Variants in STRN observed in about 807,000 individuals in gnomAD.
The protein encoded by STRN is striatin.
In STRN, 53 loss-of-function variants were observed where a neutral mutation model predicts 96.3. The observed-to-expected ratio is 0.55, with a 90% confidence interval of 0.44 to 0.69. The LOEUF (loss-of-function observed/expected upper bound fraction) is 0.69. STRN is among the 30% of genes least tolerant of loss of function. STRN has a pLI of 0.00. For synonymous variants in STRN, 428 were observed against 355.9 expected (o/e 1.20, Z -2.28); for missense variants, 987 against 963.9 (o/e 1.02, Z -0.32).
At chr2:36,871,816 T>G (rs1477521323) in intron 10 of STRN, among the ~76,000 whole-genome samples, 2 of 152,168 alleles carry the variant, frequency 1.3e-5, no homozygotes, top group Non-Finnish European at 2.9e-5. Context: ...TGCTAGTAAG[T>G]GGAGGGGCCT....
At position 36,966,417 on chromosome 2, in the gene STRN, G is replaced by A. The variant is rs1168570125; in HGVS notation, c.47C>T (p.Pro16Leu). 9 of 1,462,962 alleles carry A rather than the reference G, an allele frequency of 6.2e-6. No homozygotes were observed. The East Asian group carries it at 2.4e-4, about 39-fold the overall frequency. 90.6% of individuals were successfully genotyped at this position (1,462,962 alleles called of 1,614,324 possible). ...GAGCCCCTTGGCACCGCCGGCGCCC[G>A]GGTGGTTGTTGCTGAAGAAGACGCC... ...GPGVFFSNNH[P>L]GAGGAKGLGP... The change falls in exon 1 of 18, where the codon CCG becomes CTG. Residue 16 changes from proline to leucine, a missense_variant. By Grantham distance (98) the Pro-to-Leu change is moderately conservative. Transcript: ENST00000263918.
At chr2:36,913,928 A>C (rs1190481897) in intron 3 of STRN, among the ~76,000 whole-genome samples, 1 of 152,094 alleles carries the variant, frequency 6.6e-6, no homozygotes, top group East Asian at 1.9e-4. Context: ...ACTTACATCT[A>C]CCTGCTTTTA....
At chr2:36,934,263 T>C (rs1272010474) in intron 1 of STRN, among the ~76,000 whole-genome samples, 9 of 152,122 alleles carry the variant, frequency 5.9e-5, no homozygotes, top group Admixed American at 5.9e-4. Context: ...AGTGAACTAA[T>C]TCAGCAAATG....
chr2:36,948,636 T>C (rs1375874976), intron 1 of STRN, among the ~76,000 whole-genome samples: 1 of 152,208 alleles, frequency 6.6e-6, no homozygotes, highest in Admixed American at 6.5e-5. Flanking sequence ...ATATCCCTAA[T>C]TCCTAGAACA....
intron 13 of STRN, among the ~76,000 whole-genome samples, chr2:36,859,881 A>G (rs1337224222): frequency 7.9e-5 from 12 of 152,236 alleles, no homozygotes; most frequent in Non-Finnish European, 1.5e-4. Context: ...GTTACTGACA[A>G]TCTTGTTACA....
chr2:36,918,865 C>T (rs1670176056), intron 2 of STRN, among the ~76,000 whole-genome samples: 1 of 152,120 alleles, frequency 6.6e-6, no homozygotes, highest in African/African-American at 2.4e-5. Context: ...TTCTTGTTTG[C>T]TATTCTTTTT....
chr2:36,899,047 A>G (rs1352460157), intron 6 of STRN, among the ~76,000 whole-genome samples: 5 of 152,212 alleles, frequency 3.3e-5, no homozygotes, highest in Non-Finnish European at 7.3e-5. Flanking sequence ...GCTTATCAAC[A>G]TCTGAACAAA....
intron 1 of STRN, among the ~76,000 whole-genome samples, chr2:36,932,343 CAG>C (rs2148241415): frequency 6.6e-6 from 1 of 151,996 alleles, no homozygotes; most frequent in South Asian, 2.1e-4. Flanking sequence ...TTAGTAGAGA[CAG>C]GGTTTCACCG....
intron 1 of STRN, among the ~76,000 whole-genome samples, chr2:36,965,824 G>A (rs558383859): frequency 6.6e-6 from 1 of 152,326 alleles, no homozygotes; most frequent in Admixed American, 6.5e-5. Context: ...CACGTTCTGC[G>A]GAGACTGTCT....
intron 1 of STRN, among the ~76,000 whole-genome samples, chr2:36,955,794 G>T (rs1164089487): frequency 6.6e-6 from 1 of 152,180 alleles, no homozygotes; most frequent in African/African-American, 2.4e-5. Context: ...CTCGGGACCA[G>T]AAGTGTTTTA....
At chr2:36,925,802 T>C (rs898458816) in intron 1 of STRN, among the ~76,000 whole-genome samples, 5 of 152,138 alleles carry the variant, frequency 3.3e-5, no homozygotes, top group African/African-American at 1.2e-4. Flanking sequence ...CTAATATTAA[T>C]GCAAACAAAT....
intron 2 of STRN, among the ~76,000 whole-genome samples, 194 bp downstream of exon 2, chr2:36,924,910 GC>G (rs1670369404): frequency 6.6e-6 from 1 of 152,110 alleles, no homozygotes; most frequent in Non-Finnish European, 1.5e-5. Context: ...TACAAAATTA[GC>G]TGGGTGTGGT....
At chr2:36,903,781 T>A (rs1669749412) in intron 4 of STRN, among the ~76,000 whole-genome samples, 1 of 152,214 alleles carries the variant, frequency 6.6e-6, no homozygotes, top group South Asian at 2.1e-4. Flanking sequence ...TCCCATCCAA[T>A]ATTTATAGAA....
rs574392849 is a variant in STRN, at chr2:36,842,404, A to C, written c.*7052T>G. The C allele has an allele frequency of 5.9e-5, 9 of 152,344 alleles. No homozygotes were observed. In the South Asian group the frequency reaches 1.9e-3, roughly 32 times the overall value. 9.4% of individuals were successfully genotyped at this position (152,344 alleles called of 1,614,324 possible). On this transcript the variant is annotated 3_prime_UTR_variant, in exon 18 of 18. Coordinates refer to ENST00000263918, the MANE Select transcript of STRN (RefSeq NM_003162.4). ...CACTATAGTACTCCAAGTGCTGTTTAACAGATGTTTTACTGTGGGCTCTCC... is the reference window on the plus strand; with the variant it reads ...CACTATAGTACTCCAAGTGCTGTTTCACAGATGTTTTACTGTGGGCTCTCC...
rs563533178 is a variant in STRN at position 36,845,445 on chromosome 2, T to A, written c.*4011A>T. 2 of 152,254 alleles carry A rather than the reference T, an allele frequency of 1.3e-5. No homozygotes were observed. The highest frequency in any genetic ancestry group is 4.8e-5 in the African/African-American group (2 of 41,554). The allele number at this position is 152,254 out of a possible 1,614,324, so 9.4% of individuals were successfully genotyped here. On this transcript the variant is annotated 3_prime_UTR_variant, in exon 18 of 18. Transcript: ENST00000263918. ...GGCAGCAATGACAAAGAGGTAGATA[T>A]GAGAGATGCTTTTTAAATATTTTAA... is the stretch of plus-strand genomic sequence containing the variant.
At chr2:36,874,402 GGAA>G (rs1224148948) in intron 10 of STRN, among the ~76,000 whole-genome samples, 3 of 151,974 alleles carry the variant, frequency 2.0e-5, no homozygotes, top group African/African-American at 7.2e-5. Flanking sequence ...AGAGGTCACA[GGAA>G]GAAGAGGAAG....
rs1668034540 is a variant in STRN at position 36,845,062 on chromosome 2, T to C, written c.*4394A>G. On this transcript the variant is annotated 3_prime_UTR_variant, in exon 18 of 18. Transcript: ENST00000263918. ...ACTTCTGAGTAAATAAAATGAATGA[T>C]TATGTACTTAATAGCCTTGTAGTCA... is the stretch of plus-strand genomic sequence containing the variant. The C allele has an allele frequency of 3.9e-5, 6 of 152,100 alleles. No individual in the cohort carries two copies. The highest frequency in any genetic ancestry group is 3.3e-4 in the Admixed American group (5 of 15,246). 9.4% of individuals were successfully genotyped at this position (152,100 alleles called of 1,614,324 possible). A position where few individuals can be genotyped will look rare whatever the true frequency, so the allele number is the denominator to read the frequency against.
chr2:36,954,335 A>ATGG (rs1664829372), intron 1 of STRN, among the ~76,000 whole-genome samples: 1 of 151,724 alleles, frequency 6.6e-6, no homozygotes, highest in Non-Finnish European at 1.5e-5. Context: ...ATATGGCAAA[A>ATGG]CCCTGTCTCT....
At chr2:36,964,182 GGGC>G (rs200802212) in intron 1 of STRN, among the ~76,000 whole-genome samples, 5 of 133,118 alleles carry the variant, frequency 3.8e-5, no homozygotes, top group African/African-American at 1.2e-4. Flanking sequence ...GAACGGGGCG[GGGC>G]GGGGGGAAGG....
Sources: gnomAD v4.1 joint callset for allele counts (sites outside exome capture counted in the v4.1 genomes callset) on GRCh38, gnomAD v4.1.1 for gene constraint, MANE v1.5 for transcripts, NCBI Gene and HGNC (gene_info 2026-07-23, HGNC 2026-07-21) for gene names.